ATRX: variants seen among roughly 807,000 people sequenced by gnomAD.
ATRX encodes the protein ATRX chromatin remodeler, also known as chromatin remodeler ATRX.
Under a neutral mutation model 172.6 loss-of-function variants are expected in ATRX, and 12 were observed. The observed-to-expected ratio is 0.07, with a 90% confidence interval of 0.04 to 0.11. ATRX has a LOEUF of 0.11. Ranked by LOEUF, ATRX falls within the 10% of genes least tolerant of loss-of-function variation. ATRX has a pLI of 1.00. For missense variants in ATRX, 1,368 were observed against 1,767.4 expected (o/e 0.77, Z 4.05); for synonymous variants, 674 against 594.7 (o/e 1.13, Z -1.94).
intron 34 of ATRX, among the ~76,000 whole-genome samples, chrX:77,516,047 G>A (rs1557038966): frequency 9.0e-6 from 1 of 111,155 alleles, no homozygotes; most frequent in Non-Finnish European, 1.9e-5. Flanking sequence ...ACACATAGAG[G>A]GCAATAACAG....
At chrX:77,510,389 A>G (rs1042771297) in intron 34 of ATRX, among the ~76,000 whole-genome samples, 4 of 109,857 alleles carry the variant, frequency 3.6e-5, no homozygotes, top group Non-Finnish European at 5.7e-5. Context: ...ATGGGAAGAG[A>G]CTCCTGCTTG....
rs1381560126 is a variant in ATRX at position 77,524,870 on chromosome X, C to T, written c.6700-1469G>A. On this transcript the variant is annotated intron_variant, in intron 30 of 34. Transcript: ENST00000373344. ...AAGTGATTCTCCTGCCTCAGCCTCC[C>T]GAGTAGCTAGGACTACAGGTGCATA... Among the ~76,000 whole-genome samples, 3 of 108,684 alleles carry T rather than the reference C, an allele frequency of 2.8e-5. 1 individual carries two copies. The highest frequency in any genetic ancestry group is 8.2e-4 in the South Asian group (2 of 2,438). 94.4% of individuals were successfully genotyped at this position (108,684 alleles called of 115,157 possible).
At chrX:77,662,477 A>T (rs1293479978) in intron 12 of ATRX, among the ~76,000 whole-genome samples, 1 of 112,122 alleles carries the variant, frequency 8.9e-6, no homozygotes, top group African/African-American at 3.2e-5. Context: ...ATGCAATCTT[A>T]TACTTTCTAC....
intron 9 of ATRX, among the ~76,000 whole-genome samples, chrX:77,676,842 C>T (rs1306337928): frequency 1.8e-5 from 2 of 112,058 alleles, no homozygotes; most frequent in African/African-American, 6.5e-5. Context: ...CTAAAGAGGG[C>T]CGGGTGAGGT....
intron 27 of ATRX, among the ~76,000 whole-genome samples, chrX:77,587,629 CAAAT>C (rs1557077905): frequency 9.0e-6 from 1 of 111,573 alleles, no homozygotes; most frequent in Non-Finnish European, 1.9e-5. Context: ...GATAAGCAAA[CAAAT>C]AAAAGCCATT....
intron 9 of ATRX, among the ~76,000 whole-genome samples, chrX:77,679,976 T>C (rs1383865030): frequency 2.7e-5 from 3 of 111,953 alleles, no homozygotes; most frequent in Non-Finnish European, 3.8e-5. Context: ...TATATAATTT[T>C]GAAATCTAAA....
At chrX:77,709,673 G>A (rs1045819103) in intron 2 of ATRX, among the ~76,000 whole-genome samples, 31 of 108,541 alleles carry the variant, frequency 2.9e-4, no homozygotes, top group Middle Eastern at 4.8e-3. Flanking sequence ...CAAACCAGGT[G>A]CAGTGATTCA....
At chrX:77,672,275 G>A (rs1193782820) in intron 10 of ATRX, among the ~76,000 whole-genome samples, 1 of 110,517 alleles carries the variant, frequency 9.0e-6, no homozygotes, top group Non-Finnish European at 1.9e-5. Context: ...AATTTGCATA[G>A]AGAATAGACA....
At chrX:77,626,434 AAAAT>A (rs1306672248) in intron 19 of ATRX, among the ~76,000 whole-genome samples, 2 of 111,135 alleles carry the variant, frequency 1.8e-5, no homozygotes, top group African/African-American at 6.6e-5. Context: ...AACTTATAGA[AAAAT>A]AAATAATCTG....
chrX:77,659,115 G>A (rs1359113899), intron 12 of ATRX, among the ~76,000 whole-genome samples: 1 of 111,101 alleles, frequency 9.0e-6, no homozygotes, highest in Non-Finnish European at 1.9e-5. Flanking sequence ...ATGACGACAC[G>A]TTTTAGGGAC....
At chrX:77,527,691 T>A (rs1399543295) in intron 30 of ATRX, among the ~76,000 whole-genome samples, 2 of 111,681 alleles carry the variant, frequency 1.8e-5, no homozygotes, top group East Asian at 5.7e-4. Flanking sequence ...CCAAGCAGCA[T>A]GGCTCGGCAG....
chrX:77,532,138 TACAA>T (rs2063598035), intron 30 of ATRX, among the ~76,000 whole-genome samples: 1 of 110,819 alleles, frequency 9.0e-6, no homozygotes, highest in African/African-American at 3.3e-5. Context: ...TCAGAGAGGA[TACAA>T]ACAAATAGAG....
chrX:77,697,261 G>A (rs781938427), intron 4 of ATRX, among the ~76,000 whole-genome samples: 2 of 111,241 alleles, frequency 1.8e-5, no homozygotes, highest in Non-Finnish European at 3.8e-5. Context: ...TGCCTCATAG[G>A]CATTCAACAA....
intron 9 of ATRX, among the ~76,000 whole-genome samples, chrX:77,681,206 C>T (rs2071167184): frequency 9.0e-6 from 1 of 111,283 alleles, no homozygotes; most frequent in Admixed American, 9.5e-5. Flanking sequence ...AGCTACTGAA[C>T]CACTGGCACC....
intron 22 of ATRX, among the ~76,000 whole-genome samples, chrX:77,614,311 T>C (rs1224373617): frequency 1.8e-5 from 2 of 112,089 alleles, no homozygotes; most frequent in Admixed American, 9.5e-5. Flanking sequence ...CCACTTGGCC[T>C]TTTATGAATG....
At chrX:77,722,655 C>T (rs1407138735) in intron 1 of ATRX, among the ~76,000 whole-genome samples, 13 of 111,750 alleles carry the variant, frequency 1.2e-4, no homozygotes, top group African/African-American at 4.2e-4. Context: ...CACCTCACGC[C>T]GGTTAGAATG....
At chrX:77,785,555 C>A (rs2076705321) in intron 1 of ATRX, among the ~76,000 whole-genome samples, 1 of 87,884 alleles carries the variant, frequency 1.1e-5, no homozygotes, top group Admixed American at 1.3e-4. Flanking sequence ...ATCCTCGCGC[C>A]CGCCCACCCC....
At chrX:77,540,359 ATAATAGT>A (rs2063928078) in intron 30 of ATRX, among the ~76,000 whole-genome samples, 1 of 111,391 alleles carries the variant, frequency 9.0e-6, no homozygotes, top group Non-Finnish European at 1.9e-5. Flanking sequence ...CTCCCACACA[ATAATAGT>A]GGGAGACTTT....
intron 2 of ATRX, among the ~76,000 whole-genome samples, chrX:77,716,319 AAAAAAT>A (rs1376277192): frequency 1.2e-4 from 5 of 41,339 alleles, no homozygotes; most frequent in African/African-American, 3.2e-4. Flanking sequence ...AAAAAAAAAA[AAAAAAT>A]ATATATATAT....
Sources: gnomAD v4.1 joint callset for allele counts (sites outside exome capture counted in the v4.1 genomes callset) on GRCh38, gnomAD v4.1.1 for gene constraint, MANE v1.5 for transcripts, NCBI Gene and HGNC (gene_info 2026-07-23, HGNC 2026-07-21) for gene names.